Variants in COL5A1 observed in about 807,000 individuals in gnomAD.
COL5A1 encodes the protein collagen type V alpha 1 chain.
In COL5A1, 16 loss-of-function variants were observed where a neutral mutation model predicts 263.7. That is an observed-to-expected ratio of 0.06 (90% CI 0.04 to 0.09). The LOEUF (loss-of-function observed/expected upper bound fraction) is 0.09, where lower values mean the gene tolerates loss of function less well. COL5A1 is among the 10% of genes least tolerant of loss of function. The pLI is 1.00. For missense variants in COL5A1, 2,036 were observed against 2,540.5 expected, an observed-to-expected ratio of 0.80 and a Z score of 4.27; for synonymous variants, 1,012 against 1,004.5, an observed-to-expected ratio of 1.01 and a Z score of -0.14.
rs538114845 is a variant in COL5A1 at position 134,795,484 on chromosome 9, A to T, written c.2799+169A>T. On this transcript the variant is annotated intron_variant, in intron 34 of 65. Transcript: ENST00000371817. ...GCTTGTCCCCTCCAGCAGCCTCTGGATGCCTCAGATCAGATGTAATTAAGT... is the reference window on the plus strand; with the variant it reads ...GCTTGTCCCCTCCAGCAGCCTCTGGTTGCCTCAGATCAGATGTAATTAAGT... Among the ~76,000 whole-genome samples the T allele has an allele frequency of 3.1e-3, 474 of 151,644 alleles. 2 individuals carry two copies. The highest frequency in any genetic ancestry group is 0.012 in the South Asian group (58 of 4,794).
chr9:134,691,109 G>A (rs752621328), intron 2 of COL5A1, 30 bp downstream of exon 2: 1 of 1,610,986 alleles, frequency 6.2e-7, no homozygotes, highest in Admixed American at 1.7e-5. Flanking sequence ...GTTTGGGGCG[G>A]TGGGTCCCGT....
rs894284223 is a variant in COL5A1, at chr9:134,716,533, T to A, written c.655-10733T>A. The stretch of plus-strand genomic sequence containing the variant: ...GCAGGCCTTTGTGAGGTCACCACCC[T>A]TTGGGTGGCGAGTCTTTGAGGAGGT... On this transcript the variant is annotated intron_variant, in intron 4 of 65. Transcript: ENST00000371817. The surrounding 1 kb of genome is among the most constrained non-coding windows in gnomAD (Gnocchi z 4.5). Among the ~76,000 whole-genome samples, 4 of 152,206 alleles carry A rather than the reference T, an allele frequency of 2.6e-5. No individual in the cohort carries two copies. Among genetic ancestry groups the A allele is most frequent in the African/African-American group, 9.6e-5 (4 of 41,466 alleles).
At position 134,708,360 on chromosome 9, in the gene COL5A1, GC is replaced by G. The variant is rs908536547; in HGVS notation, c.654+7030del. The G allele has an allele frequency of 2.7e-4, 90 of 335,298 alleles. No homozygotes were observed. In the Middle Eastern group the frequency reaches 4.3e-3, roughly 16 times the overall value. The allele number at this position is 335,298 out of a possible 1,614,324, so 20.8% of individuals were successfully genotyped here. ...GTGTGCCTGCCCCTCCCGAGTCCTG[GC>G]CCAAGTCCCTGCTGCTGCCTGGCCA... On this transcript the variant is annotated intron_variant, in intron 4 of 65. Coordinates refer to ENST00000371817, the MANE Select transcript of COL5A1 (RefSeq NM_000093.5).
rs552854865 is a variant in COL5A1, at chr9:134,736,464, C to T, written c.1390-2010C>T. Among the ~76,000 whole-genome samples, 5 of 152,352 alleles carry T rather than the reference C, an allele frequency of 3.3e-5. No homozygotes were observed. In the South Asian group the frequency reaches 1.0e-3, roughly 32 times the overall value. ...AGCCCGCTCCCATCGTAGCTGCATT[C>T]ACCCATCCAGGAAGGCAGAGCCTGG... On this transcript the variant is annotated intron_variant, in intron 9 of 65. Transcript: ENST00000371817.
chr9:134,834,899 C>T (rs1206758116), intron 64 of COL5A1, 72 bp from the exon 65 acceptor site: 2 of 1,054,310 alleles, frequency 1.9e-6, no homozygotes, highest in East Asian at 5.1e-5. Context: ...AAGCCCAGGG[C>T]AGTGCGGACG....
chr9:134,793,164 G>A (rs1837779216), intron 32 of COL5A1, among the ~76,000 whole-genome samples: 1 of 151,500 alleles, frequency 6.6e-6, no homozygotes, highest in African/African-American at 2.4e-5. Flanking sequence ...GATCCCAGGA[G>A]CCCCTTCCCG....
chr9:134,698,107 A>C (rs188215732), intron 2 of COL5A1, among the ~76,000 whole-genome samples: 36 of 152,276 alleles, frequency 2.4e-4, no homozygotes, highest in Middle Eastern at 3.4e-3. Context: ...AAAAAAACCC[A>C]AAAAAACAAA....
chr9:134,754,467 C>A lies in COL5A1; in HGVS notation c.1827+141C>A. ...CCCTTCTTGTGATGGGTGCGTCCAT[C>A]CCCAAGGCTGCCTCTGAGCCAGCTG... On this transcript the variant is annotated intron_variant, in intron 16 of 65. Coordinates refer to ENST00000371817, the MANE Select transcript of COL5A1 (RefSeq NM_000093.5). The surrounding 1 kb of genome is among the most constrained non-coding windows in gnomAD (Gnocchi z 4.3). 1 of 962,028 alleles carries A rather than the reference C, an allele frequency of 1.0e-6. No homozygotes were observed. Among genetic ancestry groups the A allele is most frequent in the Non-Finnish European group, 1.6e-6 (1 of 607,910 alleles). The allele number at this position is 962,028 out of a possible 1,614,324, so 59.6% of individuals were successfully genotyped here.
At chr9:134,675,616 C>T (rs1039564025) in intron 1 of COL5A1, among the ~76,000 whole-genome samples, 22 of 152,234 alleles carry the variant, frequency 1.4e-4, no homozygotes, top group East Asian at 3.9e-4. Flanking sequence ...TGTGAATCTG[C>T]GTTTTGAGCA....
intron 49 of COL5A1, among the ~76,000 whole-genome samples, chr9:134,814,323 C>T (rs576548763): frequency 2.6e-5 from 4 of 152,316 alleles, no homozygotes; most frequent in African/African-American, 9.6e-5. Flanking sequence ...GCTGTCACCT[C>T]GTCCCCCCGG....
intron 1 of COL5A1, among the ~76,000 whole-genome samples, chr9:134,683,671 G>A (rs1240421957): frequency 6.6e-6 from 1 of 152,184 alleles, no homozygotes; most frequent in Admixed American, 6.5e-5. Context: ...CTCCTGTGCA[G>A]GCCCCGGTCC....
chr9:134,796,954 A>G (rs3827852), intron 36 of COL5A1, 53 bp downstream of exon 36: 17 of 258,442 alleles, frequency 6.6e-5, no homozygotes, highest in Non-Finnish European at 7.6e-5. Flanking sequence ...TCCAAAACCC[A>G]CCTGTCCCCT....
At chr9:134,661,828 C>T (rs1832214722) in intron 1 of COL5A1, among the ~76,000 whole-genome samples, 1 of 152,180 alleles carries the variant, frequency 6.6e-6, no homozygotes, top group Non-Finnish European at 1.5e-5. Flanking sequence ...TAAGCAGTGC[C>T]AACCTCGCTG....
intron 12 of COL5A1, 63 bp downstream of exon 12, chr9:134,750,679 C>G: frequency 6.9e-6 from 11 of 1,598,384 alleles, no homozygotes; most frequent in Non-Finnish European, 8.6e-6. Context: ...CAAACCAGAC[C>G]CTCTGAGGCT....
intron 9 of COL5A1, 104 bp downstream of exon 9, chr9:134,732,231 G>C: frequency 8.2e-7 from 1 of 1,215,542 alleles, no homozygotes; most frequent in Non-Finnish European, 1.2e-6. Context: ...CTGCACCTGC[G>C]CGCACTGGGT....
chr9:134,701,809 T>C (rs1833686342), intron 4 of COL5A1, among the ~76,000 whole-genome samples: 1 of 152,200 alleles, frequency 6.6e-6, no homozygotes, highest in African/African-American at 2.4e-5. Flanking sequence ...CACTCCAGTC[T>C]AGCTGTGTCC....
rs777268323 is a variant in COL5A1, at chr9:134,701,383, G to A, written c.654+50G>A. 15 of 1,583,286 alleles carry A rather than the reference G, an allele frequency of 9.5e-6. No individual in the cohort carries two copies. In the African/African-American group the frequency reaches 1.1e-4, roughly 11 times the overall value. ...CTGTGCCCACCAGGGCACTCCTCCT[G>A]TGGAGCCACTGTGACTGCTGTTGGA... On this transcript the variant is annotated intron_variant, in intron 4 of 65. Transcript: ENST00000371817.
chr9:134,825,662 G>A (rs1353952978), intron 62 of COL5A1, 130 bp from the exon 63 acceptor site: 1 of 653,974 alleles, frequency 1.5e-6, no homozygotes, highest in Non-Finnish European at 2.9e-6. Context: ...CCCCAGAAAG[G>A]CCCGTGTTGG....
intron 2 of COL5A1, among the ~76,000 whole-genome samples, chr9:134,693,830 G>C (rs1833369067): frequency 6.6e-6 from 1 of 152,196 alleles, no homozygotes; most frequent in Non-Finnish European, 1.5e-5. Flanking sequence ...TCAGTGTGTA[G>C]GGGCCACACA....
Sources: allele counts gnomAD v4.1 joint callset (sites outside exome capture counted in the v4.1 genomes callset), GRCh38; gene constraint gnomAD v4.1.1; non-coding constraint Gnocchi (gnomAD v3.1); transcripts MANE v1.5; gene names NCBI Gene and HGNC (gene_info 2026-07-23, HGNC 2026-07-21).